The following FILIP1L variants were observed in gnomAD, a reference collection of about 807,000 sequenced individuals.
FILIP1L encodes the protein filamin A interacting protein 1 like.
FILIP1L carries 55 observed loss-of-function variants against 96.6 expected under a neutral mutation model. The observed-to-expected ratio is 0.57, with a 90% CI of 0.46 to 0.71. The LOEUF (loss-of-function observed/expected upper bound fraction) is 0.71. Among genes scored for constraint, FILIP1L ranks in the 30% least tolerant of loss-of-function variants. FILIP1L has a pLI of 0.00. For missense variants in FILIP1L, 1,304 were observed against 1,321.2 expected (o/e 0.99, Z 0.20); for synonymous variants, 467 against 473.9 (o/e 0.99, Z 0.19).
At chr3:99,839,189 TC>T (rs1943024007) in intron 5 of FILIP1L, among the ~76,000 whole-genome samples, 1 of 152,184 alleles carries the variant, frequency 6.6e-6, no homozygotes, top group South Asian at 2.1e-4. Context: ...AACCTGCTCT[TC>T]CTCTAAAATC....
intron 1 of FILIP1L, among the ~76,000 whole-genome samples, chr3:100,101,852 C>T (rs575305468): frequency 2.5e-4 from 38 of 152,070 alleles, no homozygotes; most frequent in Middle Eastern, 6.8e-3. Context: ...TTCCCACCTA[C>T]GAGTGAGAAC....
intron 1 of FILIP1L, among the ~76,000 whole-genome samples, chr3:99,998,515 T>A (rs1311359416): frequency 1.3e-5 from 2 of 152,204 alleles, no homozygotes; most frequent in Non-Finnish European, 2.9e-5. Flanking sequence ...GTAGGACTTG[T>A]GGGTTGTACC....
intron 4 of FILIP1L, among the ~76,000 whole-genome samples, chr3:99,869,526 C>G (rs1406406815): frequency 1.3e-5 from 2 of 152,142 alleles, no homozygotes; most frequent in African/African-American, 4.8e-5. Flanking sequence ...CTTCTTCTGC[C>G]ATTCCCAATT....
intron 2 of FILIP1L, 113 bp from the exon 3 acceptor site, chr3:99,930,142 C>A: frequency 2.4e-6 from 2 of 843,188 alleles, no homozygotes; most frequent in South Asian, 1.8e-5. Context: ...CTAAATGAAT[C>A]ATATTTCATT....
intron 1 of FILIP1L, among the ~76,000 whole-genome samples, chr3:100,028,803 T>C (rs2064972421): frequency 6.6e-6 from 1 of 152,162 alleles, no homozygotes; most frequent in South Asian, 2.1e-4. Context: ...TCTGATAAGC[T>C]ATCACACCAA....
At chr3:100,071,494 T>G (rs1376403802) in intron 1 of FILIP1L, among the ~76,000 whole-genome samples, 2 of 152,092 alleles carry the variant, frequency 1.3e-5, no homozygotes, top group African/African-American at 4.8e-5. Flanking sequence ...TTCAAAGCAT[T>G]CACTAAAATT....
At chr3:99,888,016 T>C (rs1168083426) in intron 4 of FILIP1L, among the ~76,000 whole-genome samples, 1 of 152,140 alleles carries the variant, frequency 6.6e-6, no homozygotes, top group East Asian at 1.9e-4. Flanking sequence ...AGTACTGGGA[T>C]TACAGGCATG....
At chr3:99,874,225 T>A (rs1204254714) in intron 4 of FILIP1L, 2 of 152,234 alleles carry the variant, frequency 1.3e-5, no homozygotes, top group African/African-American at 4.8e-5. Flanking sequence ...AGAATTTTGA[T>A]GGAAGTTATG....
chr3:100,082,363 C>G (rs2065945537), intron 1 of FILIP1L, among the ~76,000 whole-genome samples: 1 of 152,206 alleles, frequency 6.6e-6, no homozygotes, highest in African/African-American at 2.4e-5. Flanking sequence ...AAAGGAACTC[C>G]TCTGTACTGC....
At chr3:99,894,911 G>A (rs1383490279) in intron 4 of FILIP1L, among the ~76,000 whole-genome samples, 1 of 152,130 alleles carries the variant, frequency 6.6e-6, no homozygotes, top group African/African-American at 2.4e-5. Context: ...AGCTTTTTGT[G>A]GACTAGCTGG....
chr3:99,867,391 A>C (rs889157149), intron 4 of FILIP1L, among the ~76,000 whole-genome samples: 1 of 152,220 alleles, frequency 6.6e-6, no homozygotes, highest in Non-Finnish European at 1.5e-5. Flanking sequence ...AAGAGAAGGC[A>C]AACTATCTCA....
chr3:100,049,730 T>G (rs2065338480), intron 1 of FILIP1L, among the ~76,000 whole-genome samples: 1 of 152,248 alleles, frequency 6.6e-6, no homozygotes, highest in Non-Finnish European at 1.5e-5. Context: ...TCTTAACAAA[T>G]AGTAAATGTA....
chr3:100,000,940 G>A (rs1337669683), intron 1 of FILIP1L, among the ~76,000 whole-genome samples: 1 of 152,182 alleles, frequency 6.6e-6, no homozygotes, highest in Non-Finnish European at 1.5e-5. Context: ...TGTAAGAGTA[G>A]CTCCTTGATT....
chr3:100,108,163 G>A (rs1291199742), intron 1 of FILIP1L, among the ~76,000 whole-genome samples: 1 of 152,080 alleles, frequency 6.6e-6, no homozygotes, highest in African/African-American at 2.4e-5. Context: ...TCTAGCCCAT[G>A]GCTTCTTAAT....
chr3:99,976,815 C>T (rs1266765728), intron 1 of FILIP1L, among the ~76,000 whole-genome samples: 1 of 152,020 alleles, frequency 6.6e-6, no homozygotes, highest in Non-Finnish European at 1.5e-5. Flanking sequence ...AGATGTTTGA[C>T]CATTATCTCT....
chr3:99,840,446 A>C (rs1943085577), intron 5 of FILIP1L, among the ~76,000 whole-genome samples: 1 of 150,894 alleles, frequency 6.6e-6, no homozygotes, highest in Non-Finnish European at 1.5e-5. Flanking sequence ...CTGGTCTTGA[A>C]CTCCTGACCT....
intron 1 of FILIP1L, among the ~76,000 whole-genome samples, chr3:100,110,344 A>G (rs2066469768): frequency 6.6e-6 from 1 of 152,078 alleles, no homozygotes; most frequent in South Asian, 2.1e-4. Context: ...CTGCCTCTGT[A>G]TTTTTTTGTT....
At chr3:100,082,650 G>T (rs1325441527) in intron 1 of FILIP1L, among the ~76,000 whole-genome samples, 1 of 152,056 alleles carries the variant, frequency 6.6e-6, no homozygotes, top group Non-Finnish European at 1.5e-5. Flanking sequence ...ACTATTTTTT[G>T]GTTATAGTCG....
intron 1 of FILIP1L, among the ~76,000 whole-genome samples, chr3:100,074,057 T>G (rs2065806293): frequency 6.6e-6 from 1 of 152,142 alleles, no homozygotes; most frequent in Non-Finnish European, 1.5e-5. Context: ...AAAAGGTTTG[T>G]GGGGGCCTTT....
Sources: gnomAD v4.1 joint callset for allele counts (sites outside exome capture counted in the v4.1 genomes callset) on GRCh38, gnomAD v4.1.1 for gene constraint, MANE v1.5 for transcripts, NCBI Gene and HGNC (gene_info 2026-07-23, HGNC 2026-07-21) for gene names.